F13A1: variants seen among roughly 807,000 people sequenced by gnomAD.
The protein encoded by F13A1 is coagulation factor XIII A chain.
Under a neutral mutation model 80.1 loss-of-function variants are expected in F13A1, and 47 were observed. The ratio of observed to expected loss-of-function variants is 0.59; its 90% CI spans 0.46 to 0.75. F13A1 has a LOEUF of 0.75. Among genes scored for constraint, F13A1 ranks in the 30% least tolerant of loss-of-function variants. The pLI is 0.00. For synonymous variants in F13A1, 349 were observed against 344.9 expected, an observed-to-expected ratio of 1.01 and a Z score of -0.13; for missense variants, 817 against 930.4, an observed-to-expected ratio of 0.88 and a Z score of 1.59.
At chr6:6,295,687 C>T (rs1224821880) in intron 3 of F13A1, among the ~76,000 whole-genome samples, 31 of 141,956 alleles carry the variant, frequency 2.2e-4, no homozygotes, top group South Asian at 1.3e-3. Flanking sequence ...TTCTCCCATT[C>T]TGTAGGTTGC....
chr6:6,198,175 C>T (rs115919816), intron 8 of F13A1, among the ~76,000 whole-genome samples: 3,591 of 152,106 alleles, frequency 0.024, 79 homozygotes, highest in Middle Eastern at 0.12. Flanking sequence ...AAGAAGAATA[C>T]GTTGTCAGGG....
intron 6 of F13A1, among the ~76,000 whole-genome samples, chr6:6,235,321 C>T (rs1257820554): frequency 2.0e-5 from 3 of 151,776 alleles, no homozygotes; most frequent in Non-Finnish European, 4.4e-5. Context: ...CTTTGAAAGG[C>T]CCTGTGAAGA....
At chr6:6,302,614 G>A (rs543819558) in intron 3 of F13A1, among the ~76,000 whole-genome samples, 4 of 152,296 alleles carry the variant, frequency 2.6e-5, no homozygotes, top group Non-Finnish European at 4.4e-5. Flanking sequence ...GTAGCCCTGG[G>A]TGAGTGGTGA....
intron 10 of F13A1, among the ~76,000 whole-genome samples, chr6:6,190,336 T>C (rs985729774): frequency 2.0e-4 from 31 of 152,364 alleles, no homozygotes; most frequent in African/African-American, 7.0e-4. Context: ...TGCTCTGTTT[T>C]TTCCCCATCC....
chr6:6,253,150 A>AG lies in F13A1; in HGVS notation c.572-2222_572-2221insC, dbSNP rs1757656442. On this transcript the variant is annotated intron_variant, in intron 4 of 14. Coordinates refer to ENST00000264870, the MANE Select transcript of F13A1 (RefSeq NM_000129.4). Reference sequence around the variant, plus strand: ...AGAGCTAGAATCTGTCCCAAAAAAAAAAAAAAAAAAAAAGAGAGAGAGAGA... The same window carrying AG: ...AGAGCTAGAATCTGTCCCAAAAAAAAGAAAAAAAAAAAAAGAGAGAGAGAGA... Among the ~76,000 whole-genome samples the AG allele has an allele frequency of 2.1e-5, 3 of 142,046 alleles. No homozygotes were observed. In the South Asian group the frequency reaches 6.4e-4, roughly 30 times the overall value. The allele number at this position is 142,046 out of a possible 152,430, so 93.2% of individuals were successfully genotyped here.
intron 10 of F13A1, among the ~76,000 whole-genome samples, chr6:6,190,901 G>T (rs905337225): frequency 5.9e-5 from 9 of 152,276 alleles, no homozygotes; most frequent in South Asian, 2.1e-4. Flanking sequence ...GACCCTCCGA[G>T]CCAGGTGCGG....
chr6:6,261,019 A>C (rs1404315238), intron 4 of F13A1, among the ~76,000 whole-genome samples: 6 of 152,152 alleles, frequency 3.9e-5, no homozygotes, highest in Non-Finnish European at 8.8e-5. Context: ...CCCAGGCTGG[A>C]GTGCAGTGGT....
intron 10 of F13A1, among the ~76,000 whole-genome samples, chr6:6,193,834 A>G (rs1186174794): frequency 6.6e-6 from 1 of 152,186 alleles, no homozygotes; most frequent in Non-Finnish European, 1.5e-5. Context: ...ATCATAAACT[A>G]TCAAATGACA....
intron 4 of F13A1, 49 bp downstream of exon 4, chr6:6,266,509 G>T (rs368154155): frequency 2.5e-6 from 4 of 1,613,822 alleles, no homozygotes; most frequent in Non-Finnish European, 3.4e-6. Flanking sequence ...ATGGCACCCC[G>T]CCAAATAGGT....
chr6:6,154,068 T>C (rs1027728033), intron 13 of F13A1, among the ~76,000 whole-genome samples: 3 of 150,676 alleles, frequency 2.0e-5, no homozygotes, highest in East Asian at 3.9e-4. Context: ...AGAGTGCTAC[T>C]CTGAGGTCAG....
intron 13 of F13A1, among the ~76,000 whole-genome samples, chr6:6,152,380 T>C (rs1368254171): frequency 2.0e-5 from 3 of 152,212 alleles, no homozygotes; most frequent in African/African-American, 7.2e-5. Context: ...ATGTGCCTTC[T>C]TAGTTTTAGA....
At position 6,162,559 on chromosome 6, in the gene F13A1, G is replaced by A. The variant is rs115773780; in HGVS notation, c.1908+4899C>T. Among the ~76,000 whole-genome samples, 1 of 152,194 alleles carries A rather than the reference G, an allele frequency of 6.6e-6. No individual in the cohort carries two copies. The highest frequency in any genetic ancestry group is 2.4e-5 in the African/African-American group (1 of 41,442). ...TGTAGCCCAGCGGCTGCCAGCACAG[G>A]CTTCCAAGTCAGGAAGACCTGGGCC... On this transcript the variant is annotated intron_variant, in intron 13 of 14. Transcript: ENST00000264870. The surrounding 1 kb of genome is among the most constrained non-coding windows in gnomAD (Gnocchi z 4.2).
At chr6:6,271,627 C>A (rs1757923347) in intron 3 of F13A1, among the ~76,000 whole-genome samples, 1 of 152,210 alleles carries the variant, frequency 6.6e-6, no homozygotes, top group African/African-American at 2.4e-5. Flanking sequence ...ATAATTGCAG[C>A]CTTTGAAATT....
chr6:6,206,947 C>T (rs189995798), intron 8 of F13A1, among the ~76,000 whole-genome samples: 2 of 151,544 alleles, frequency 1.3e-5, no homozygotes, highest in East Asian at 3.9e-4. Flanking sequence ...CTCTGGGAAA[C>T]ACCTCCAGAG....
At chr6:6,285,218 C>T (rs888968578) in intron 3 of F13A1, among the ~76,000 whole-genome samples, 13 of 152,280 alleles carry the variant, frequency 8.5e-5, no homozygotes, top group South Asian at 6.2e-4. Flanking sequence ...CACTGCACTC[C>T]GGCATGGGCA....
intron 2 of F13A1, among the ~76,000 whole-genome samples, chr6:6,317,711 G>T (rs3024325): frequency 3.3e-5 from 5 of 152,050 alleles, no homozygotes; most frequent in African/African-American, 1.2e-4. Flanking sequence ...CAGCAAATAG[G>T]TGTTTATCCC....
chr6:6,306,354 T>G (rs1758512600), intron 2 of F13A1, among the ~76,000 whole-genome samples: 1 of 152,244 alleles, frequency 6.6e-6, no homozygotes, highest in Admixed American at 6.5e-5. Context: ...ACTTTGTATG[T>G]GTGACTTAAA....
At chr6:6,217,927 A>T (rs973023092) in intron 8 of F13A1, among the ~76,000 whole-genome samples, 5 of 152,118 alleles carry the variant, frequency 3.3e-5, no homozygotes, top group African/African-American at 4.8e-5. Flanking sequence ...TGCATTAAAA[A>T]TTTTTTCCAA....
At chr6:6,248,106 C>G (rs768704505) in intron 6 of F13A1, among the ~76,000 whole-genome samples, 2 of 152,150 alleles carry the variant, frequency 1.3e-5, no homozygotes, top group African/African-American at 2.4e-5. Flanking sequence ...AAGAAACATA[C>G]AGTATTGAGA....
Sources: allele counts gnomAD v4.1 joint callset (sites outside exome capture counted in the v4.1 genomes callset), GRCh38; gene constraint gnomAD v4.1.1; non-coding constraint Gnocchi (gnomAD v3.1); transcripts MANE v1.5; gene names NCBI Gene and HGNC (gene_info 2026-07-23, HGNC 2026-07-21).